DNAH11: variants seen among roughly 807,000 people sequenced by gnomAD.
DNAH11 encodes dynein axonemal heavy chain 11.
DNAH11 carries 442 observed loss-of-function variants against 526.0 expected under a neutral mutation model. That is an observed-to-expected ratio of 0.84 (90% CI 0.78 to 0.91). The LOEUF (loss-of-function observed/expected upper bound fraction) is 0.91, where lower values mean the gene tolerates loss of function less well. DNAH11 is among the 40% of genes least tolerant of loss of function. The pLI is 0.00. For missense variants in DNAH11, 6,989 were observed against 5,448.7 expected (o/e 1.28, Z -8.90); for synonymous variants, 2,461 against 1,935.9 (o/e 1.27, Z -7.12).
chr7:21,629,981 T>C (rs534360227), intron 25 of DNAH11, among the ~76,000 whole-genome samples: 1 of 152,136 alleles, frequency 6.6e-6, no homozygotes, highest in Admixed American at 6.5e-5. Flanking sequence ...GTTTTGTAAT[T>C]TTTCTTTTTT....
chr7:21,595,136 C>G (rs1407518324), intron 14 of DNAH11, among the ~76,000 whole-genome samples: 1 of 152,306 alleles, frequency 6.6e-6, no homozygotes, highest in Admixed American at 6.5e-5. Context: ...GGACCAGGTG[C>G]CAGCATGATC....
At chr7:21,544,638 C>T (rs1204859031) in intron 1 of DNAH11, among the ~76,000 whole-genome samples, 1 of 151,946 alleles carries the variant, frequency 6.6e-6, no homozygotes. Context: ...TGGCTTATTT[C>T]CAAACCAGAG....
chr7:21,644,793 A>G (rs1186213127), intron 28 of DNAH11, among the ~76,000 whole-genome samples: 2 of 152,240 alleles, frequency 1.3e-5, no homozygotes, highest in East Asian at 1.9e-4. Flanking sequence ...TTTTAAATGG[A>G]TACCTTAATA....
intron 28 of DNAH11, among the ~76,000 whole-genome samples, chr7:21,648,956 A>C (rs1787497605): frequency 1.3e-5 from 2 of 152,178 alleles, no homozygotes; most frequent in African/African-American, 4.8e-5. Context: ...AAACATCATA[A>C]GTTAATGTGT....
At chr7:21,644,432 C>G (rs1171862315) in intron 28 of DNAH11, among the ~76,000 whole-genome samples, 2 of 152,056 alleles carry the variant, frequency 1.3e-5, no homozygotes, top group African/African-American at 4.8e-5. Context: ...GAAAAAGACT[C>G]AATACGTGCA....
intron 57 of DNAH11, among the ~76,000 whole-genome samples, chr7:21,779,976 T>A (rs1361426187): frequency 6.6e-6 from 1 of 152,172 alleles, no homozygotes; most frequent in African/African-American, 2.4e-5. Flanking sequence ...CTGAAAATAT[T>A]TGAGTTTTTC....
At chr7:21,789,742 T>C (rs1429552589) in intron 61 of DNAH11, among the ~76,000 whole-genome samples, 1 of 151,112 alleles carries the variant, frequency 6.6e-6, no homozygotes, top group Non-Finnish European at 1.5e-5. Flanking sequence ...ACAGGTATTA[T>C]AATAATAAGC....
intron 45 of DNAH11, among the ~76,000 whole-genome samples, chr7:21,726,313 G>A (rs540959721): frequency 6.6e-6 from 1 of 152,166 alleles, no homozygotes. Flanking sequence ...AACCATTTAT[G>A]AGAAACTGCC....
At chr7:21,696,660 C>T (rs143553161) in intron 35 of DNAH11, among the ~76,000 whole-genome samples, 3 of 152,026 alleles carry the variant, frequency 2.0e-5, no homozygotes, top group East Asian at 1.9e-4. Flanking sequence ...TAATGGGTGA[C>T]GAAAGCATTA....
rs115915119 is a variant in DNAH11 at position 21,651,981 on chromosome 7, A to C, written c.4945-3851A>C. Among the ~76,000 whole-genome samples the C allele has an allele frequency of 5.8e-3, 891 of 152,372 alleles. 7 individuals are homozygous for C. The highest frequency in any genetic ancestry group is 7.3e-3 in the Admixed American group (111 of 15,298). ...AAGCTTGTAGTTCTATGATGAACCT[A>C]CATGACATTTTTCATTAGTTAATGG... On this transcript the variant is annotated intron_variant, in intron 28 of 81. Coordinates refer to ENST00000409508, the MANE Select transcript of DNAH11 (RefSeq NM_001277115.2).
rs778407227 is a variant in DNAH11, at chr7:21,748,594, G to C, written c.8525G>C (p.Arg2842Pro). The C allele has an allele frequency of 6.5e-7, 1 of 1,544,156 alleles. No homozygotes were observed. Among genetic ancestry groups the C allele is most frequent in the African/African-American group, 1.4e-5 (1 of 72,502 alleles). Residue 2842 changes from arginine (R) to proline (P), a missense_variant, in exon 52 of 82, where the codon CGG becomes CCG. By Grantham distance (103) the Arg-to-Pro change is moderately radical. Coordinates refer to ENST00000409508, the MANE Select transcript of DNAH11 (RefSeq NM_001277115.2). ...DAMQHVCRIS[R>P]ILRTPQGCAL... Reference sequence around the variant, plus strand: ...CCTTTCCTCAGGTGTCGCATCAGCCGGATCTTACGAACCCCTCAGGGCTGT... The same window carrying C: ...CCTTTCCTCAGGTGTCGCATCAGCCCGATCTTACGAACCCCTCAGGGCTGT...
intron 2 of DNAH11, among the ~76,000 whole-genome samples, chr7:21,554,336 G>C (rs993744829): frequency 3.3e-5 from 5 of 152,016 alleles, no homozygotes; most frequent in Non-Finnish European, 5.9e-5. Flanking sequence ...ACCATGCCCA[G>C]CTAATTTTTG....
intron 6 of DNAH11, among the ~76,000 whole-genome samples, chr7:21,568,086 A>C (rs1783745330): frequency 6.6e-6 from 1 of 152,218 alleles, no homozygotes; most frequent in Admixed American, 6.5e-5. Context: ...CAGTCCATAA[A>C]AACACATGCA....
intron 9 of DNAH11, among the ~76,000 whole-genome samples, chr7:21,587,473 C>G (rs1784512987): frequency 6.6e-6 from 1 of 152,046 alleles, no homozygotes; most frequent in Non-Finnish European, 1.5e-5. Context: ...CTTATTAGCT[C>G]AAAGCATTGA....
chr7:21,581,282 G>A (rs1784298052), intron 8 of DNAH11, among the ~76,000 whole-genome samples: 1 of 152,146 alleles, frequency 6.6e-6, no homozygotes. Flanking sequence ...CCGTTTCATT[G>A]TAACTATGGG....
In DNAH11 at chr7:21,900,262, A is replaced by G. The variant is rs181189754; in HGVS notation, c.13303+142A>G. ...TCATTATCTCATTTCTTCCTCTTAA[A>G]TAATTTAAGTGCTGGGATGTGTGTC... On this transcript the variant is annotated intron_variant, in intron 81 of 81. Transcript: ENST00000409508. 8.3e-5 allele frequency: 83 copies of G among 996,038 alleles called. No homozygotes were observed. The African/African-American group carries it at 1.1e-3, about 14-fold the overall frequency. The allele number at this position is 996,038 out of a possible 1,614,324, so 61.7% of individuals were successfully genotyped here. A position where few individuals can be genotyped will look rare whatever the true frequency, so the allele number is the denominator to read the frequency against.
chr7:21,550,461 T>A (rs1419673701), intron 2 of DNAH11, among the ~76,000 whole-genome samples: 1 of 152,204 alleles, frequency 6.6e-6, no homozygotes, highest in African/African-American at 2.4e-5. Context: ...TGCCCAAATA[T>A]AGGATCTCAT....
Position 21,599,658 on chromosome 7 carries a change from G to A in DNAH11, c.2668-129G>A, listed in dbSNP as rs1356636034. 4.9e-6 allele frequency: 3 copies of A among 614,408 alleles called. No individual in the cohort carries two copies. In the African/African-American group the frequency reaches 5.6e-5, roughly 12 times the overall value. The allele number at this position is 614,408 out of a possible 1,614,324, so 38.1% of individuals were successfully genotyped here. On this transcript the variant is annotated intron_variant, in intron 14 of 81. Transcript: ENST00000409508. ...ATCTAGCTTAAGGTTCTGCAACTTA[G>A]TATTTGAATGTTCCTGTCTTGTGCA...
At chr7:21,645,672 C>T (rs919531319) in intron 28 of DNAH11, among the ~76,000 whole-genome samples, 1 of 136,562 alleles carries the variant, frequency 7.3e-6, no homozygotes, top group Admixed American at 6.9e-5. Context: ...GAGGAGGAAT[C>T]TACTATATCT....
Sources: gnomAD v4.1 joint callset for allele counts (sites outside exome capture counted in the v4.1 genomes callset) on GRCh38, gnomAD v4.1.1 for gene constraint, MANE v1.5 for transcripts, NCBI Gene and HGNC (gene_info 2026-07-23, HGNC 2026-07-21) for gene names.